NUP50: variants seen among roughly 807,000 people sequenced by gnomAD.
NUP50 encodes the protein nucleoporin 50.
Under a neutral mutation model 36.8 loss-of-function variants are expected in NUP50, and 14 were observed. The observed-to-expected ratio is 0.38, with a 90% CI of 0.25 to 0.59. The LOEUF is 0.59. Ranked by LOEUF, NUP50 falls within the 20% of genes least tolerant of loss-of-function variation. The probability of loss-of-function intolerance (pLI) is 0.63; values close to 1 mark genes in which losing one functional copy is unlikely to be tolerated. For synonymous variants in NUP50, 195 were observed against 210.8 expected, an observed-to-expected ratio of 0.93 and a Z score of 0.65; for missense variants, 455 against 564.6, an observed-to-expected ratio of 0.81 and a Z score of 1.97.
In NUP50 at chr22:45,186,552, G is replaced by C. The variant is rs1184284132; in HGVS notation, c.*1897G>C. 1.3e-5 allele frequency: 2 copies of C among 152,518 alleles called. No individual in the cohort carries two copies. Among genetic ancestry groups the C allele is most frequent in the Non-Finnish European group, 2.9e-5 (2 of 68,032 alleles). The allele number at this position is 152,518 out of a possible 1,614,324, so 9.4% of individuals were successfully genotyped here. On this transcript the variant is annotated 3_prime_UTR_variant, in exon 8 of 8. Coordinates refer to ENST00000347635, the MANE Select transcript of NUP50 (RefSeq NM_007172.4). ...TTCAGTGTATATGACACAGTACTTT[G>C]TTAGCGTCTGCGTGTGTATGGAAAG...
chr22:45,168,890 TA>T (rs1433644469), intron 2 of NUP50, among the ~76,000 whole-genome samples: 2 of 127,002 alleles, frequency 1.6e-5, no homozygotes, highest in African/African-American at 6.0e-5. Flanking sequence ...CCGGTCTCTA[TA>T]AAAAAAATTT....
chr22:45,171,080 A>G (rs943508914), intron 2 of NUP50: 3 of 1,299,782 alleles, frequency 2.3e-6, no homozygotes, highest in Non-Finnish European at 3.0e-6. Flanking sequence ...CTTTGAGCGC[A>G]CTGTGGAAGA....
chr22:45,177,277 C>A (rs2074290736), intron 4 of NUP50, among the ~76,000 whole-genome samples: 1 of 152,078 alleles, frequency 6.6e-6, no homozygotes, highest in Non-Finnish European at 1.5e-5. Context: ...ACCTCCCGAG[C>A]TCAAGTGATC....
chr22:45,176,073 A>T lies in NUP50; in HGVS notation c.333A>T (p.Val111=), dbSNP rs2074272647. 6.2e-7 allele frequency: 1 copy of T among 1,613,082 alleles called. No homozygotes were observed. The highest frequency in any genetic ancestry group is 1.3e-5 in the African/African-American group (1 of 74,904). Residue 111 remains valine (V), a synonymous_variant, in exon 4 of 8, where the codon GTA becomes GTT. Coordinates refer to ENST00000347635, the MANE Select transcript of NUP50 (RefSeq NM_007172.4). ...CAAAGGCAGCGGCAGATCCCAAGGT[A>T]GCCTTTGGTAAGTAGCTCCCATCCC... ...ASAKAAADPK[V]AFGSLAANGP... is the part of the protein sequence containing the mutation.
chr22:45,168,405 ATATT>A (rs1272042745), intron 2 of NUP50, among the ~76,000 whole-genome samples, 159 bp downstream of exon 2: 1 of 152,240 alleles, frequency 6.6e-6, no homozygotes, highest in African/African-American at 2.4e-5. Flanking sequence ...CTTAGTGTAG[ATATT>A]TATTAATTAC....
intron 2 of NUP50, among the ~76,000 whole-genome samples, chr22:45,169,966 T>C (rs1426698725): frequency 6.6e-6 from 1 of 152,258 alleles, no homozygotes; most frequent in Admixed American, 6.5e-5. Flanking sequence ...TCCTGGTTCC[T>C]CTTTGAAGTT....
At chr22:45,176,394 A>G (rs2074277292) in intron 4 of NUP50, among the ~76,000 whole-genome samples, 2 of 152,164 alleles carry the variant, frequency 1.3e-5, no homozygotes, top group Admixed American at 6.5e-5. Context: ...TAGAGTCGAG[A>G]GAGAAAAGAA....
rs2074460222 is a variant in NUP50 at position 45,185,744 on chromosome 22, C to T, written c.*1089C>T. ...TCCATATGTCTGTCTGGAAGGGAGC[C>T]ATGGTTATTCACACGAATATCCCTG... On this transcript the variant is annotated 3_prime_UTR_variant, in exon 8 of 8. Transcript: ENST00000347635. 1 of 152,148 alleles carries T rather than the reference C, an allele frequency of 6.6e-6. No individual in the cohort carries two copies. The highest frequency in any genetic ancestry group is 1.5e-5 in the Non-Finnish European group (1 of 68,030). The allele number at this position is 152,148 out of a possible 1,614,324, so 9.4% of individuals were successfully genotyped here.
chr22:45,177,163 G>C (rs34453049), intron 4 of NUP50, among the ~76,000 whole-genome samples: 2,741 of 152,138 alleles, frequency 0.018, 52 homozygotes, highest in East Asian at 0.11. Flanking sequence ...GTGAGTGTTC[G>C]TATCCACTGG....
chr22:45,183,931 G>A (rs2074425221), intron 7 of NUP50: 1 of 214,530 alleles, frequency 4.7e-6, no homozygotes, highest in Non-Finnish European at 9.5e-6. Flanking sequence ...AGACGGGGCA[G>A]GCCTGCGGTG....
intron 2 of NUP50, chr22:45,171,177 T>G: frequency 8.5e-7 from 1 of 1,169,670 alleles, no homozygotes; most frequent in African/African-American, 1.6e-5. Context: ...AAAAATCATG[T>G]GTATGTTATA....
intron 3 of NUP50, among the ~76,000 whole-genome samples, chr22:45,174,182 C>CT (rs1601776403): frequency 2.0e-5 from 2 of 101,680 alleles, no homozygotes; most frequent in East Asian, 1.1e-3. Flanking sequence ...GGGTATTTTC[C>CT]CTTTTTTTTT....
At chr22:45,168,501 T>C (rs1249052940) in intron 2 of NUP50, among the ~76,000 whole-genome samples, 2 of 152,246 alleles carry the variant, frequency 1.3e-5, no homozygotes, top group African/African-American at 2.4e-5. Flanking sequence ...TCCTTAAATA[T>C]TCTCCTTAGT....
chr22:45,176,059 G>A lies in NUP50; in HGVS notation c.319G>A (p.Ala107Thr). The A allele has an allele frequency of 1.2e-6, 2 of 1,613,970 alleles. No homozygotes were observed. Among genetic ancestry groups the A allele is most frequent in the Non-Finnish European group, 8.5e-7 (1 of 1,179,872 alleles). ...APPFASAKAA[A>T]DPKVAFGSLA... ...TCCCTTCGCCAGTGCAAAGGCAGCG[G>A]CAGATCCCAAGGTAGCCTTTGGTAA... Residue 107 changes from alanine (A) to threonine (T), a missense_variant, in exon 4 of 8, where the codon GCA becomes ACA. Transcript: ENST00000347635.
intron 5 of NUP50, among the ~76,000 whole-genome samples, chr22:45,179,477 C>G (rs1172458285): frequency 6.6e-6 from 1 of 152,208 alleles, no homozygotes; most frequent in Non-Finnish European, 1.5e-5. Flanking sequence ...GGCACAAGGT[C>G]TGGGCCCTCC....
intron 3 of NUP50, 51 bp downstream of exon 3, chr22:45,171,734 G>A: frequency 1.6e-5 from 23 of 1,430,078 alleles, no homozygotes; most frequent in Non-Finnish European, 2.1e-5. Flanking sequence ...TGATTTCTGG[G>A]TTGCACAGCA....
chr22:45,170,532 T>C (rs132871), intron 2 of NUP50, among the ~76,000 whole-genome samples: 30,994 of 152,186 alleles, frequency 0.2, 3,718 homozygotes, highest in East Asian at 0.57. Flanking sequence ...TTCCTTCTTT[T>C]GGAATCTTTC....
intron 1 of NUP50, among the ~76,000 whole-genome samples, chr22:45,165,533 C>T (rs554780528): frequency 1.3e-5 from 2 of 152,338 alleles, no homozygotes; most frequent in East Asian, 3.9e-4. Context: ...AGACATAAGA[C>T]TCCAGGTGCC....
Position 45,186,070 on chromosome 22 carries a change from A to G in NUP50, c.*1415A>G, listed in dbSNP as rs530773463. On this transcript the variant is annotated 3_prime_UTR_variant, in exon 8 of 8. Coordinates refer to ENST00000347635, the MANE Select transcript of NUP50 (RefSeq NM_007172.4). ...AGGTGTAAGGTTTGGCGCCGGGAGC[A>G]ATTTTATGATCAAATATGATGAACT... 118 of 152,350 alleles carry G rather than the reference A, an allele frequency of 7.7e-4. No individual in the cohort carries two copies. The highest frequency in any genetic ancestry group is 2.7e-3 in the African/African-American group (114 of 41,590). 9.4% of individuals were successfully genotyped at this position (152,350 alleles called of 1,614,324 possible).
Sources: allele counts gnomAD v4.1 joint callset (sites outside exome capture counted in the v4.1 genomes callset), GRCh38; gene constraint gnomAD v4.1.1; transcripts MANE v1.5; gene names NCBI Gene and HGNC (gene_info 2026-07-23, HGNC 2026-07-21).